The following SARM1 variants were observed in gnomAD, a reference collection of about 807,000 sequenced individuals.
SARM1 encodes sterile alpha and TIR motif containing 1.
Under a neutral mutation model 65.1 loss-of-function variants are expected in SARM1, and 60 were observed. The observed-to-expected ratio is 0.92, with a 90% CI of 0.75 to 1.14. The LOEUF (loss-of-function observed/expected upper bound fraction) is 1.14. SARM1 is among the 50% of genes most tolerant of loss of function. The probability of loss-of-function intolerance (pLI) is 0.00; values close to 1 mark genes in which losing one functional copy is unlikely to be tolerated. For synonymous variants in SARM1, 417 were observed against 465.4 expected (o/e 0.90, Z 1.34); for missense variants, 913 against 1,015.7 (o/e 0.90, Z 1.37).
In SARM1 at chr17:28,385,874, A is replaced by C. The variant is rs1007281400; in HGVS notation, c.1630+599A>C. 2.6e-5 allele frequency among the ~76,000 whole-genome samples: 4 copies of C among 152,252 alleles called. No individual in the cohort carries two copies. The highest frequency in any genetic ancestry group is 2.1e-4 in the South Asian group (1 of 4,830). On this transcript the variant is annotated intron_variant, in intron 5 of 8. Transcript: ENST00000585482. This position sits in a 1 kb window ranked among gnomAD's most constrained non-coding sequence, Gnocchi z 4.5. The stretch of plus-strand genomic sequence containing the variant: ...ACTTAGCTAATCTTTATTGTCAATT[A>C]CAAGGTACTCTGTTTGGTTTTTAAG...
At chr17:28,387,202 T>A (rs2068054868) in intron 5 of SARM1, among the ~76,000 whole-genome samples, 2 of 151,920 alleles carry the variant, frequency 1.3e-5, no homozygotes, top group South Asian at 4.1e-4. Flanking sequence ...GCAAATGGAC[T>A]ACACTGGGCA....
At chr17:28,394,235 G>A (rs1555587315) in intron 7 of SARM1, among the ~76,000 whole-genome samples, 1 of 152,248 alleles carries the variant, frequency 6.6e-6, no homozygotes, top group Non-Finnish European at 1.5e-5. Flanking sequence ...AATGTGGAGA[G>A]TGAATTAGAG....
At chr17:28,375,328 T>C (rs1293143117) in intron 1 of SARM1, among the ~76,000 whole-genome samples, 2 of 150,014 alleles carry the variant, frequency 1.3e-5, no homozygotes, top group African/African-American at 4.9e-5. Flanking sequence ...CCAGGAGCAG[T>C]GTCTCATGCC....
chr17:28,387,003 T>A (rs2068053183), intron 5 of SARM1, among the ~76,000 whole-genome samples: 1 of 152,086 alleles, frequency 6.6e-6, no homozygotes, highest in Admixed American at 6.5e-5. Flanking sequence ...CCTCCCAAAG[T>A]GTTGAGATTA....
intron 1 of SARM1, among the ~76,000 whole-genome samples, chr17:28,378,758 A>G (rs1465139198): frequency 6.6e-6 from 1 of 151,982 alleles, no homozygotes; most frequent in Non-Finnish European, 1.5e-5. Flanking sequence ...ACTGGGCTCA[A>G]ACTATCATCC....
chr17:28,382,776 T>G (rs782328257), intron 2 of SARM1, among the ~76,000 whole-genome samples: 9 of 152,122 alleles, frequency 5.9e-5, no homozygotes, highest in Non-Finnish European at 1.2e-4. Flanking sequence ...CATCAAACTC[T>G]CAGGCTCCAA....
At position 28,395,585 on chromosome 17, in the gene SARM1, C is replaced by T. The variant is rs908290461; in HGVS notation, c.1924-320C>T. The T allele has an allele frequency of 1.7e-4, 47 of 272,756 alleles. No homozygotes were observed. Among genetic ancestry groups the T allele is most frequent in the Non-Finnish European group, 3.0e-4 (42 of 141,792 alleles). 16.9% of individuals were successfully genotyped at this position (272,756 alleles called of 1,614,324 possible). On this transcript the variant is annotated intron_variant, in intron 7 of 8. Transcript: ENST00000585482. ...GCCCTGGTCTCCCTGGTGACCAGCCCTCTTCCTGAAACTATCTAGGCTACC... is the reference window on the plus strand; with the variant it reads ...GCCCTGGTCTCCCTGGTGACCAGCCTTCTTCCTGAAACTATCTAGGCTACC...
At position 28,400,799 on chromosome 17, in the gene SARM1, C is replaced by G. The variant is rs559489325; in HGVS notation, c.*4513C>G. 1.9e-6 allele frequency: 3 copies of G among 1,546,966 alleles called. No individual in the cohort carries two copies. In the East Asian group the frequency reaches 7.3e-5, roughly 38 times the overall value. On this transcript the variant is annotated 3_prime_UTR_variant, in exon 9 of 9. Transcript: ENST00000585482. ...GAAATAAATACCATACTCTGGAGTC[C>G]GAAAGGGCCATATTCCAACTCTGGC...
chr17:28,377,147 A>G (rs1555584721), intron 1 of SARM1, among the ~76,000 whole-genome samples: 1 of 152,236 alleles, frequency 6.6e-6, no homozygotes, highest in East Asian at 1.9e-4. Context: ...TTATGCAGTC[A>G]GATGTCTAGA....
Position 28,399,618 on chromosome 17 carries a change from T to C in SARM1, c.*3332T>C, listed in dbSNP as rs2142451841. The C allele has an allele frequency of 6.2e-7, 1 of 1,611,980 alleles. No homozygotes were observed. The highest frequency in any genetic ancestry group is 2.2e-5 in the East Asian group (1 of 44,874). Reference sequence around the variant, plus strand: ...AGACCTCCAGTTGCTTGGTGTTCACTTTGCTCCTCTTGCCCTCTGTCTTCT... The same window carrying C: ...AGACCTCCAGTTGCTTGGTGTTCACCTTGCTCCTCTTGCCCTCTGTCTTCT... On this transcript the variant is annotated 3_prime_UTR_variant, in exon 9 of 9. Transcript: ENST00000585482.
In SARM1 at chr17:28,388,450, A is replaced by G. The variant is rs782321764; in HGVS notation, c.1834A>G (p.Met612Val). 9 of 1,614,026 alleles carry G rather than the reference A, an allele frequency of 5.6e-6. No homozygotes were observed. The highest frequency in any genetic ancestry group is 7.6e-6 in the Non-Finnish European group (9 of 1,179,898). ...CGAGGACAAACTCATCCAGAGTGTCATGGGTGCCCGCAACTTTGTGTTGGT... is the reference window on the plus strand; with the variant it reads ...CGAGGACAAACTCATCCAGAGTGTCGTGGGTGCCCGCAACTTTGTGTTGGT... ...KFEDKLIQSV[M>V]GARNFVLVLS... The change falls in exon 7 of 9, where the codon ATG becomes GTG. Residue 612 changes from methionine (M) to valine (V), a missense_variant. This residue lies in a region of SARM1 where 862 missense variants were observed against 952.1 expected (regional missense o/e 0.91). Coordinates refer to ENST00000585482, the MANE Select transcript of SARM1 (RefSeq NM_015077.4).
intron 1 of SARM1, among the ~76,000 whole-genome samples, chr17:28,377,012 A>G (rs2067995104): frequency 6.6e-6 from 1 of 151,972 alleles, no homozygotes; most frequent in Non-Finnish European, 1.5e-5. Context: ...CTGGTCTCGA[A>G]CTCCTGACCT....
chr17:28,393,407 C>T (rs989325372), intron 7 of SARM1, among the ~76,000 whole-genome samples: 10 of 151,854 alleles, frequency 6.6e-5, no homozygotes, highest in South Asian at 2.1e-4. Flanking sequence ...AAAAATTAGC[C>T]GGACATGGTG....
In SARM1 at chr17:28,399,873, C is replaced by G. The variant is rs2068175284; in HGVS notation, c.*3587C>G. 2.8e-6 allele frequency: 2 copies of G among 716,510 alleles called. No homozygotes were observed. The highest frequency in any genetic ancestry group is 5.0e-6 in the Non-Finnish European group (2 of 403,646). 44.4% of individuals were successfully genotyped at this position (716,510 alleles called of 1,614,324 possible). Reference sequence around the variant, plus strand: ...AAGCTGAGAGCTGGAGGACAATATCCAGGGACATGGCTCTGGAAAATAACT... The same window carrying G: ...AAGCTGAGAGCTGGAGGACAATATCGAGGGACATGGCTCTGGAAAATAACT... On this transcript the variant is annotated 3_prime_UTR_variant, in exon 9 of 9. Coordinates refer to ENST00000585482, the MANE Select transcript of SARM1 (RefSeq NM_015077.4).
chr17:28,379,299 CTTTTTTT>C (rs1193480505), intron 1 of SARM1, among the ~76,000 whole-genome samples: 2 of 78,360 alleles, frequency 2.6e-5, no homozygotes, highest in Admixed American at 2.8e-4. Flanking sequence ...CCATTTAGAT[CTTTTTTT>C]TTTTTTTTTT....
At position 28,381,765 on chromosome 17, in the gene SARM1, G is replaced by C. The variant is rs571589599; in HGVS notation, c.1033G>C (p.Gly345Arg). The change falls in exon 2 of 9, where the codon GGG (glycine) becomes CGG (arginine). Residue 345 changes from glycine to arginine, a missense_variant. Transcript: ENST00000585482. The stretch of plus-strand genomic sequence containing the variant: ...TAACCGCTTGGAGGCGCAGTGCATC[G>C]GGGCTTTCTACCTCTGCGCCGAGGC... ...DSNRLEAQCI[G>R]AFYLCAEAAI... 6.7e-7 allele frequency: 1 copy of C among 1,485,858 alleles called. No individual in the cohort carries two copies. Among genetic ancestry groups the C allele is most frequent in the East Asian group, 2.5e-5 (1 of 39,854 alleles). The allele number at this position is 1,485,858 out of a possible 1,614,324, so 92.0% of individuals were successfully genotyped here.
intron 5 of SARM1, among the ~76,000 whole-genome samples, chr17:28,387,231 CTTTTCTTTTT>C: frequency 6.7e-6 from 1 of 148,948 alleles, no homozygotes; most frequent in South Asian, 2.1e-4. Context: ...CTTTTCTTTT[CTTTTCTTTTT>C]TTTTTTTTTT....
chr17:28,395,783 A>C, intron 7 of SARM1, 122 bp from the exon 8 acceptor site: 2 of 992,384 alleles, frequency 2.0e-6, no homozygotes, highest in Non-Finnish European at 3.1e-6. Flanking sequence ...CAAGGTGGAC[A>C]TCAGGACTGG....
chr17:28,390,313 G>A (rs117199178), intron 7 of SARM1, among the ~76,000 whole-genome samples: 19 of 152,250 alleles, frequency 1.2e-4, no homozygotes, highest in Non-Finnish European at 5.9e-5. Context: ...AAGTTCTCAG[G>A]GCAGACTTCA....
Sources: allele counts gnomAD v4.1 joint callset (sites outside exome capture counted in the v4.1 genomes callset), GRCh38; gene constraint gnomAD v4.1.1; regional missense constraint gnomAD v4.1.1; non-coding constraint Gnocchi (gnomAD v3.1); transcripts MANE v1.5; gene names NCBI Gene and HGNC (gene_info 2026-07-23, HGNC 2026-07-21).